PRKAR2A: variants seen among roughly 807,000 people sequenced by gnomAD.
The protein encoded by PRKAR2A is cAMP-dependent protein kinase type II-alpha regulatory subunit.
A neutral mutation model predicts 51.9 loss-of-function variants in PRKAR2A; 29 were observed. That is an observed-to-expected ratio of 0.56 (90% CI 0.42 to 0.76). The LOEUF (loss-of-function observed/expected upper bound fraction) is 0.76, where lower values mean the gene tolerates loss of function less well. Ranked by LOEUF, PRKAR2A falls within the 30% of genes least tolerant of loss-of-function variation. The probability of loss-of-function intolerance (pLI) is 0.00; values close to 1 mark genes in which losing one functional copy is unlikely to be tolerated. For synonymous variants in PRKAR2A, 178 were observed against 186.2 expected, an observed-to-expected ratio of 0.96 and a Z score of 0.36; for missense variants, 445 against 512.1, an observed-to-expected ratio of 0.87 and a Z score of 1.26.
chr3:48,759,082 G>A (rs777778808), intron 8 of PRKAR2A, among the ~76,000 whole-genome samples: 3 of 152,090 alleles, frequency 2.0e-5, no homozygotes, highest in Non-Finnish European at 2.9e-5. Flanking sequence ...CAATGCAAGG[G>A]GATAAAATTT....
downstream of PRKAR2A, among the ~76,000 whole-genome samples, chr3:48,746,049 A>G (rs1442302211): frequency 2.0e-5 from 3 of 152,028 alleles, no homozygotes; most frequent in African/African-American, 7.3e-5. Context: ...CTGGGTCTTG[A>G]GCCTGCTGGC....
At chr3:48,791,540 G>A (rs2082386196) in intron 3 of PRKAR2A, among the ~76,000 whole-genome samples, 2 of 130,454 alleles carry the variant, frequency 1.5e-5, no homozygotes, top group Admixed American at 1.9e-4. Context: ...GTTGCTGTGA[G>A]CCAAGATCGT....
chr3:48,759,873 A>C (rs978994106), intron 8 of PRKAR2A, among the ~76,000 whole-genome samples: 1 of 152,340 alleles, frequency 6.6e-6, no homozygotes. Flanking sequence ...TTCCACCATA[A>C]GAATGACTGA....
At chr3:48,830,705 T>C (rs1486910498) in intron 1 of PRKAR2A, among the ~76,000 whole-genome samples, 7 of 152,282 alleles carry the variant, frequency 4.6e-5, no homozygotes, top group East Asian at 1.9e-4. Flanking sequence ...TATTATTACA[T>C]TGTAATATAT....
chr3:48,843,996 T>G, intron 1 of PRKAR2A, among the ~76,000 whole-genome samples: 1 of 148,838 alleles, frequency 6.7e-6, no homozygotes, highest in Non-Finnish European at 1.5e-5. Flanking sequence ...GGGATCTAAT[T>G]AAACTAAAGA....
intron 1 of PRKAR2A, among the ~76,000 whole-genome samples, chr3:48,843,201 G>A (rs1190979702): frequency 1.1e-4 from 16 of 152,156 alleles, no homozygotes; most frequent in Non-Finnish European, 1.5e-4. Flanking sequence ...TTTGCGTAGA[G>A]GTGTTTGTAG....
intron 2 of PRKAR2A, 87 bp from the exon 3 acceptor site, chr3:48,794,136 T>C (rs2082448240): frequency 7.6e-6 from 8 of 1,049,112 alleles, no homozygotes; most frequent in Non-Finnish European, 1.1e-5. Flanking sequence ...AATTTTCTTT[T>C]ATTCACTGTT....
chr3:48,765,015 T>C lies in PRKAR2A; in HGVS notation c.862A>G (p.Ile288Val), dbSNP rs777575285. The stretch of plus-strand genomic sequence containing the variant: ...AAGCCCTCACTCACCTGAGTGATTA[T>C]GCGTTCTCCATCCTTATAGATCTTC... Reference protein sequence around the residue: ...GEKIYKDGERIITQGEKADSF... With the variant: ...GEKIYKDGERVITQGEKADSF... The change falls in exon 8 of 11, where the codon ATA (isoleucine) becomes GTA (valine). Residue 288 changes from isoleucine to valine, a missense_variant. Transcript: ENST00000265563. 17 of 1,613,974 alleles carry C rather than the reference T, an allele frequency of 1.1e-5. No homozygotes were observed. Among genetic ancestry groups the C allele is most frequent in the Non-Finnish European group, 1.4e-5 (17 of 1,179,930 alleles).
intron 3 of PRKAR2A, among the ~76,000 whole-genome samples, chr3:48,791,061 G>A (rs1165147188): frequency 3.9e-5 from 6 of 152,140 alleles, no homozygotes; most frequent in African/African-American, 1.2e-4. Flanking sequence ...GGCCGAGGCA[G>A]GCAGATCACG....
At position 48,750,120 on chromosome 3, in the gene PRKAR2A, CTG is replaced by C. The variant is rs1331523379; in HGVS notation, c.*1463_*1464del. On this transcript the variant is annotated 3_prime_UTR_variant, in exon 11 of 11. Transcript: ENST00000265563. Reference sequence around the variant, plus strand: ...GGCTCACATCTGTAATCCCAGCACTCTGAGAGGCTGAGGTGGGCGGATCACCT... The same window carrying C: ...GGCTCACATCTGTAATCCCAGCACTCAGAGGCTGAGGTGGGCGGATCACCT... 6.6e-6 allele frequency: 1 copy of C among 151,928 alleles called. No homozygotes were observed. The highest frequency in any genetic ancestry group is 1.5e-5 in the Non-Finnish European group (1 of 67,988). The allele number at this position is 151,928 out of a possible 1,614,324, so 9.4% of individuals were successfully genotyped here.
intron 9 of PRKAR2A, among the ~76,000 whole-genome samples, chr3:48,755,286 G>A (rs563992192): frequency 1.1e-4 from 17 of 151,844 alleles, no homozygotes; most frequent in African/African-American, 4.1e-4. Context: ...GTGAGCCACC[G>A]TGCCCGGCTA....
At chr3:48,786,249 C>T (rs1013527928) in intron 4 of PRKAR2A, among the ~76,000 whole-genome samples, 5 of 150,176 alleles carry the variant, frequency 3.3e-5, no homozygotes, top group Admixed American at 2.6e-4. Context: ...CTCAGCCTCC[C>T]GAGTAGCTGA....
In PRKAR2A at chr3:48,773,121, C is replaced by A. The variant is rs373927002; in HGVS notation, c.543-13G>T. The A allele has an allele frequency of 1.3e-6, 2 of 1,584,476 alleles. No individual in the cohort carries two copies. Among genetic ancestry groups the A allele is most frequent in the East Asian group, 2.3e-5 (1 of 44,244 alleles). The stretch of plus-strand genomic sequence containing the variant: ...GTCATAAGTTCCCCTAGAAGAATGA[C>A]AAAGAATAATTTAATTAGTTACTTC... On this transcript the variant is annotated splice_polypyrimidine_tract_variant and intron_variant, in intron 5 of 10. Coordinates refer to ENST00000265563, the MANE Select transcript of PRKAR2A (RefSeq NM_004157.4).
chr3:48,847,710 G>A lies in PRKAR2A; in HGVS notation c.-114C>T. The A allele has an allele frequency of 9.4e-7, 1 of 1,063,102 alleles. No homozygotes were observed. Among genetic ancestry groups the A allele is most frequent in the Non-Finnish European group, 1.3e-6 (1 of 798,032 alleles). The allele number at this position is 1,063,102 out of a possible 1,614,324, so 65.9% of individuals were successfully genotyped here. On this transcript the variant is annotated 5_prime_UTR_variant, in exon 1 of 11. Transcript: ENST00000265563. This position sits in a 1 kb window ranked among gnomAD's most constrained non-coding sequence, Gnocchi z 4.4. ...GCGAGGTCTCTTCGCGCACGGCCCC[G>A]GCTCACGTCGCGCCGCTCTTTGGCC... is the stretch of plus-strand genomic sequence containing the variant.
At chr3:48,846,539 A>G (rs1374496190) in intron 1 of PRKAR2A, among the ~76,000 whole-genome samples, 1 of 152,078 alleles carries the variant, frequency 6.6e-6, no homozygotes, top group Non-Finnish European at 1.5e-5. Flanking sequence ...TTCAAAAATG[A>G]GGTAGGGTGT....
intron 8 of PRKAR2A, among the ~76,000 whole-genome samples, chr3:48,763,647 T>C (rs2081895832): frequency 6.6e-6 from 1 of 152,154 alleles, no homozygotes; most frequent in Non-Finnish European, 1.5e-5. Context: ...GCTAATATTG[T>C]TTTCTTGCTC....
At chr3:48,832,467 A>T (rs955837462) in intron 1 of PRKAR2A, among the ~76,000 whole-genome samples, 3 of 152,158 alleles carry the variant, frequency 2.0e-5, no homozygotes, top group South Asian at 4.1e-4. Flanking sequence ...GCCTCTGAAC[A>T]CGCACATTTT....
chr3:48,844,239 CTCA>C (rs2107473166), intron 1 of PRKAR2A, among the ~76,000 whole-genome samples: 1 of 152,252 alleles, frequency 6.6e-6, no homozygotes, highest in African/African-American at 2.4e-5. Context: ...TGAAAAAATG[CTCA>C]TCATCACTGG....
At chr3:48,815,696 G>A (rs547014830) in intron 1 of PRKAR2A, among the ~76,000 whole-genome samples, 7 of 141,030 alleles carry the variant, frequency 5.0e-5, no homozygotes, top group African/African-American at 1.1e-4. Context: ...CTGTCTCAGC[G>A]GAAAAAAAAA....
Sources: gnomAD v4.1 joint callset for allele counts (sites outside exome capture counted in the v4.1 genomes callset) on GRCh38, gnomAD v4.1.1 for gene constraint, Gnocchi (gnomAD v3.1) non-coding constraint, MANE v1.5 for transcripts, NCBI Gene and HGNC (gene_info 2026-07-23, HGNC 2026-07-21) for gene names.